SLC8A1: variants seen among roughly 807,000 people sequenced by gnomAD.
SLC8A1 encodes solute carrier family 8 member A1, also known as sodium/calcium exchanger 1.
SLC8A1 carries 18 observed loss-of-function variants against 68.3 expected under a neutral mutation model. That is an observed-to-expected ratio of 0.26 (90% CI 0.18 to 0.39). SLC8A1 has a LOEUF of 0.39. Among genes scored for constraint, SLC8A1 ranks in the 10% least tolerant of loss-of-function variants. The probability of loss-of-function intolerance (pLI) is 1.00; values close to 1 mark genes in which losing one functional copy is unlikely to be tolerated. For synonymous variants in SLC8A1, 475 were observed against 415.5 expected, an observed-to-expected ratio of 1.14 and a Z score of -1.74; for missense variants, 985 against 1,156.7, an observed-to-expected ratio of 0.85 and a Z score of 2.15.
intron 2 of SLC8A1, among the ~76,000 whole-genome samples, chr2:40,179,906 G>A (rs959551017): frequency 2.6e-5 from 4 of 152,116 alleles, no homozygotes; most frequent in African/African-American, 7.2e-5. Context: ...GTAGACCTGA[G>A]ACCAAATGAT....
rs144094508 is a variant in SLC8A1 at position 40,334,441 on chromosome 2, T to C, written c.1808+94032A>G. ...CAATGACAATATTTTTTACAGCCAA[T>C]GCATATTTTTGAAATCACACTAGAA... On this transcript the variant is annotated intron_variant, in intron 2 of 7. Coordinates refer to ENST00000406785, the Ensembl canonical transcript of SLC8A1. Among the ~76,000 whole-genome samples the C allele has an allele frequency of 2.7e-3, 415 of 152,340 alleles. 3 individuals carry two copies. Among genetic ancestry groups the C allele is most frequent in the African/African-American group, 9.7e-3 (404 of 41,574 alleles).
At chr2:40,342,528 T>C (rs894599990) in intron 2 of SLC8A1, among the ~76,000 whole-genome samples, 3 of 152,114 alleles carry the variant, frequency 2.0e-5, no homozygotes, top group African/African-American at 7.2e-5. Flanking sequence ...GACGAGTAAG[T>C]AGTTAGAAAC....
chr2:40,339,771 A>G (rs953651006), intron 2 of SLC8A1, among the ~76,000 whole-genome samples: 3 of 152,242 alleles, frequency 2.0e-5, no homozygotes, highest in African/African-American at 7.2e-5. Flanking sequence ...TCAATTTCTA[A>G]GACGTATCTA....
chr2:40,500,795 CTTTTTTTTTTTTTTT>C (rs1191619172), intron 1 of SLC8A1, among the ~76,000 whole-genome samples: 33 of 37,262 alleles, frequency 8.9e-4, no homozygotes, highest in African/African-American at 2.4e-3. Context: ...TATCATCTGA[CTTTTTTTTTTTTTTT>C]TTTTTTTTTT....
chr2:40,139,324 A>G (rs1238182385), intron 7 of SLC8A1, 77 bp downstream of exon 10: 2 of 1,528,452 alleles, frequency 1.3e-6, no homozygotes, highest in Admixed American at 3.6e-5. Flanking sequence ...CAGCCCTTGA[A>G]ATTGTAGGAA....
At chr2:40,266,186 C>T (rs1386469201) in intron 2 of SLC8A1, among the ~76,000 whole-genome samples, 1 of 152,104 alleles carries the variant, frequency 6.6e-6, no homozygotes, top group Admixed American at 6.6e-5. Flanking sequence ...ATAAGGATGC[C>T]TTTTCTGGGC....
chr2:40,316,766 C>T (rs1033339223), intron 2 of SLC8A1, among the ~76,000 whole-genome samples: 1 of 151,922 alleles, frequency 6.6e-6, no homozygotes, highest in Non-Finnish European at 1.5e-5. Flanking sequence ...TACCTCCCTC[C>T]CCCAATTTGT....
At chr2:40,419,228 A>C (rs768474780) in intron 2 of SLC8A1, among the ~76,000 whole-genome samples, 16 of 152,336 alleles carry the variant, frequency 1.1e-4, no homozygotes, top group Non-Finnish European at 1.8e-4. Context: ...TCTGGATTCC[A>C]CCGGCTACTT....
intron 2 of SLC8A1, among the ~76,000 whole-genome samples, chr2:40,232,073 G>T (rs1415425779): frequency 6.6e-6 from 1 of 152,124 alleles, no homozygotes; most frequent in African/African-American, 2.4e-5. Flanking sequence ...CAGGAAATGG[G>T]TCCAGTTCAA....
chr2:40,228,408 T>C (rs562777921), intron 2 of SLC8A1, among the ~76,000 whole-genome samples: 4 of 152,224 alleles, frequency 2.6e-5, no homozygotes, highest in African/African-American at 7.2e-5. Context: ...GAAATGCTGC[T>C]GTCTACATTG....
chr2:40,240,751 G>C (rs1266369094), intron 2 of SLC8A1, among the ~76,000 whole-genome samples: 2 of 152,296 alleles, frequency 1.3e-5, no homozygotes, highest in East Asian at 3.9e-4. Flanking sequence ...GGCAGCTCCT[G>C]CCTGTACTCC....
In SLC8A1 at chr2:40,435,978, G is replaced by A. The variant is rs558312679; in HGVS notation, c.-24-5674C>T. On this transcript the variant is annotated intron_variant, in intron 1 of 7. Coordinates refer to ENST00000406785, the Ensembl canonical transcript of SLC8A1. ...TTTTTTTGTATTTTTAGTAGAGACA[G>A]GGTTTCACCATGTTGAACTCCTGAC... 4.7e-5 allele frequency among the ~76,000 whole-genome samples: 7 copies of A among 149,692 alleles called. 1 individual carries two copies. The highest frequency in any genetic ancestry group is 4.0e-4 in the Admixed American group (6 of 14,970).
At chr2:40,487,064 A>G (rs142654667) in intron 1 of SLC8A1, among the ~76,000 whole-genome samples, 2 of 152,090 alleles carry the variant, frequency 1.3e-5, no homozygotes, top group East Asian at 3.9e-4. Context: ...TACTGCCTTT[A>G]ATAAAGTTGC....
At chr2:40,205,683 A>T (rs1051806589) in intron 2 of SLC8A1, among the ~76,000 whole-genome samples, 8 of 152,108 alleles carry the variant, frequency 5.3e-5, no homozygotes, top group Admixed American at 1.3e-4. Flanking sequence ...GGATGAGGAA[A>T]AATAACTAAT....
intron 1 of SLC8A1, among the ~76,000 whole-genome samples, chr2:40,465,378 T>C (rs1703606516): frequency 6.6e-6 from 1 of 152,136 alleles, no homozygotes; most frequent in South Asian, 2.1e-4. Context: ...ATAACTACTG[T>C]GTATATTGAA....
intron 1 of SLC8A1, among the ~76,000 whole-genome samples, chr2:40,500,395 T>G (rs1705978458): frequency 6.6e-6 from 1 of 152,116 alleles, no homozygotes; most frequent in Non-Finnish European, 1.5e-5. Flanking sequence ...GGCTTCAATA[T>G]TCCCAAGACA....
chr2:40,364,262 A>T (rs1399436157), intron 2 of SLC8A1, among the ~76,000 whole-genome samples: 1 of 152,080 alleles, frequency 6.6e-6, no homozygotes, highest in Non-Finnish European at 1.5e-5. Flanking sequence ...GAATATAGAG[A>T]AACAAAACAA....
chr2:40,238,190 G>T lies in SLC8A1; in HGVS notation c.1809-60335C>A, dbSNP rs989600299. On this transcript the variant is annotated intron_variant, in intron 2 of 7. Transcript: ENST00000406785. ...TAATCAAGCCTGGGCAATGGCGGGC[G>T]CCCCTCCCCCAGCCTCGCTGCCGCC... 4.6e-5 allele frequency among the ~76,000 whole-genome samples: 7 copies of T among 152,048 alleles called. No homozygotes were observed. The South Asian group carries it at 8.3e-4, about 18-fold the overall frequency.
At chr2:40,126,294 T>C (rs2038077028) in intron 7 of SLC8A1, among the ~76,000 whole-genome samples, 1 of 152,164 alleles carries the variant, frequency 6.6e-6, no homozygotes, top group African/African-American at 2.4e-5. Flanking sequence ...TAAATGTAGT[T>C]ACTATGAAAG....
Sources: allele counts gnomAD v4.1 joint callset (sites outside exome capture counted in the v4.1 genomes callset), GRCh38; gene constraint gnomAD v4.1.1; transcripts MANE v1.5; gene names NCBI Gene and HGNC (gene_info 2026-07-23, HGNC 2026-07-21).